RBFOX1: variants seen among roughly 807,000 people sequenced by gnomAD.
RBFOX1 encodes the protein RNA binding protein fox-1 homolog 1.
A neutral mutation model predicts 57.7 loss-of-function variants in RBFOX1; 8 were observed. The observed-to-expected ratio is 0.14, with a 90% confidence interval of 0.08 to 0.25. The LOEUF is 0.25. Among genes scored for constraint, RBFOX1 ranks in the 10% least tolerant of loss-of-function variants. The pLI, the probability that RBFOX1 is intolerant of heterozygous loss-of-function variation, is 1.00. For synonymous variants in RBFOX1, 326 were observed against 222.4 expected, an observed-to-expected ratio of 1.47 and a Z score of -4.15; for missense variants, 611 against 548.5, an observed-to-expected ratio of 1.11 and a Z score of -1.14.
At chr16:6,747,205 C>T (rs567471269) in intron 3 of RBFOX1, among the ~76,000 whole-genome samples, 3 of 152,076 alleles carry the variant, frequency 2.0e-5, no homozygotes, top group Non-Finnish European at 2.9e-5. Flanking sequence ...GTCAGGAGTT[C>T]GAGACCAGCC....
At chr16:6,915,418 C>G (rs1408404300) in intron 3 of RBFOX1, among the ~76,000 whole-genome samples, 1 of 152,146 alleles carries the variant, frequency 6.6e-6, no homozygotes, top group Non-Finnish European at 1.5e-5. Context: ...TTAATAAATC[C>G]ACGTAGCCCG....
chr16:5,538,007 AC>A (rs2044768462), intron 2 of RBFOX1, among the ~76,000 whole-genome samples: 1 of 152,176 alleles, frequency 6.6e-6, no homozygotes, highest in Non-Finnish European at 1.5e-5. Context: ...CAGCATAAGA[AC>A]CACAGAGATA....
intron 4 of RBFOX1, among the ~76,000 whole-genome samples, chr16:7,255,420 C>G (rs1342895068): frequency 1.3e-5 from 2 of 152,182 alleles, no homozygotes; most frequent in Non-Finnish European, 2.9e-5. Context: ...GGTTTAATAA[C>G]ATTTTGTTAT....
At chr16:5,484,404 C>T (rs1007224852) in intron 2 of RBFOX1, among the ~76,000 whole-genome samples, 1 of 152,198 alleles carries the variant, frequency 6.6e-6, no homozygotes, top group African/African-American at 2.4e-5. Context: ...AGAGGGCACC[C>T]AAGTCAGAAG....
chr16:6,768,583 A>G (rs908529752), intron 3 of RBFOX1, among the ~76,000 whole-genome samples: 1 of 151,942 alleles, frequency 6.6e-6, no homozygotes, highest in African/African-American at 2.4e-5. Context: ...AAAAAGATGG[A>G]TCAATAAATA....
At chr16:5,804,919 C>A (rs980336748) in intron 3 of RBFOX1, among the ~76,000 whole-genome samples, 4 of 152,146 alleles carry the variant, frequency 2.6e-5, no homozygotes, top group African/African-American at 7.2e-5. Flanking sequence ...ATGTTTTTGC[C>A]ACTACCAGCA....
At chr16:5,852,803 C>T (rs1400327355) in intron 3 of RBFOX1, among the ~76,000 whole-genome samples, 1 of 151,978 alleles carries the variant, frequency 6.6e-6, no homozygotes, top group Non-Finnish European at 1.5e-5. Flanking sequence ...GCTCTCCAGC[C>T]TGGGTGACAG....
intron 4 of RBFOX1, among the ~76,000 whole-genome samples, chr16:7,455,305 C>G (rs2058275016): frequency 6.6e-6 from 1 of 152,100 alleles, no homozygotes; most frequent in South Asian, 2.1e-4. Context: ...TGAGAAGTTT[C>G]ACGTTTCAGC....
intron 2 of RBFOX1, among the ~76,000 whole-genome samples, chr16:6,455,659 A>G (rs557353085): frequency 1.3e-5 from 2 of 152,302 alleles, no homozygotes; most frequent in South Asian, 2.1e-4. Context: ...TCATATCACC[A>G]TGAATATATG....
chr16:5,828,358 A>T (rs2056147408), intron 3 of RBFOX1, among the ~76,000 whole-genome samples: 1 of 152,198 alleles, frequency 6.6e-6, no homozygotes, highest in Non-Finnish European at 1.5e-5. Context: ...AGTCACTAGT[A>T]AGGTGGTGTG....
intron 3 of RBFOX1, among the ~76,000 whole-genome samples, chr16:7,042,990 G>C (rs951400357): frequency 6.6e-6 from 1 of 152,244 alleles, no homozygotes; most frequent in South Asian, 2.1e-4. Flanking sequence ...TTAAAATTGA[G>C]CAAAACCTAA....
At chr16:6,920,583 G>C (rs905869086) in intron 3 of RBFOX1, among the ~76,000 whole-genome samples, 31 of 152,186 alleles carry the variant, frequency 2.0e-4, no homozygotes, top group African/African-American at 7.2e-4. Flanking sequence ...ATTACTGTTT[G>C]GGGAATTAGA....
At chr16:6,964,392 G>C (rs944096530) in intron 3 of RBFOX1, among the ~76,000 whole-genome samples, 1 of 152,050 alleles carries the variant, frequency 6.6e-6, no homozygotes, top group African/African-American at 2.4e-5. Flanking sequence ...GTTATATATT[G>C]GTCTCAACCC....
intron 3 of RBFOX1, among the ~76,000 whole-genome samples, chr16:5,760,643 C>T (rs1174435723): frequency 5.3e-5 from 8 of 152,144 alleles, no homozygotes; most frequent in African/African-American, 1.9e-4. Flanking sequence ...GGAAGGCAGA[C>T]ACAAAAGGCC....
intron 2 of RBFOX1, among the ~76,000 whole-genome samples, chr16:5,571,415 C>G (rs995958433): frequency 6.6e-6 from 1 of 151,658 alleles, no homozygotes; most frequent in Non-Finnish European, 1.5e-5. Flanking sequence ...GGGTTTCACC[C>G]TGTTGGCCAC....
At chr16:6,292,055 C>G (rs753737521) in intron 1 of RBFOX1, among the ~76,000 whole-genome samples, 1 of 152,102 alleles carries the variant, frequency 6.6e-6, no homozygotes, top group Non-Finnish European at 1.5e-5. Flanking sequence ...GTGAATACTG[C>G]TGTGCCTTTG....
intron 2 of RBFOX1, among the ~76,000 whole-genome samples, chr16:5,537,505 G>C (rs1176482238): frequency 6.6e-6 from 1 of 152,218 alleles, no homozygotes; most frequent in East Asian, 1.9e-4. Context: ...CTTCCTTACT[G>C]GAGGCTGGAG....
intron 4 of RBFOX1, among the ~76,000 whole-genome samples, chr16:7,058,278 TTAAAC>T (rs2053106955): frequency 2.6e-5 from 4 of 152,188 alleles, no homozygotes. Flanking sequence ...AATGCTCAGT[TTAAAC>T]TAAAGTATCT....
At chr16:6,737,401 C>T (rs1189634881) in intron 3 of RBFOX1, among the ~76,000 whole-genome samples, 4 of 152,120 alleles carry the variant, frequency 2.6e-5, no homozygotes, top group Non-Finnish European at 5.9e-5. Context: ...ATTGGGCCTT[C>T]ATGTAAGTGT....
Sources: gnomAD v4.1 joint callset for allele counts (sites outside exome capture counted in the v4.1 genomes callset) on GRCh38, gnomAD v4.1.1 for gene constraint, MANE v1.5 for transcripts, NCBI Gene and HGNC (gene_info 2026-07-23, HGNC 2026-07-21) for gene names.